Variants in NBAS observed in about 807,000 individuals in gnomAD.
NBAS encodes NBAS subunit of NRZ tethering complex.
NBAS carries 219 observed loss-of-function variants against 302.5 expected under a neutral mutation model. That is an observed-to-expected ratio of 0.72 (90% confidence interval 0.65 to 0.81). NBAS has a LOEUF of 0.81. NBAS is among the 30% of genes least tolerant of loss of function. NBAS has a pLI of 0.00. For synonymous variants in NBAS, 1,118 were observed against 1,021.6 expected, an observed-to-expected ratio of 1.09 and a Z score of -1.80; for missense variants, 2,932 against 2,841.6, an observed-to-expected ratio of 1.03 and a Z score of -0.72.
chr2:15,239,224 T>C (rs1410778994), intron 44 of NBAS, among the ~76,000 whole-genome samples: 2 of 152,088 alleles, frequency 1.3e-5, no homozygotes, highest in African/African-American at 4.8e-5. Context: ...TCATAGAATG[T>C]TAAAACTTAG....
chr2:15,355,324 A>G (rs1217657114), intron 33 of NBAS, among the ~76,000 whole-genome samples: 2 of 145,764 alleles, frequency 1.4e-5, no homozygotes, highest in African/African-American at 5.6e-5. Context: ...TAAGAAAACA[A>G]CAACAACAAC....
At chr2:15,253,119 T>C (rs1026065311) in intron 44 of NBAS, among the ~76,000 whole-genome samples, 1 of 152,176 alleles carries the variant, frequency 6.6e-6, no homozygotes, top group Non-Finnish European at 1.5e-5. Flanking sequence ...TCTAAGGCTG[T>C]AACTCTCAAC....
chr2:15,455,498 A>T (rs1679209676), intron 21 of NBAS, among the ~76,000 whole-genome samples: 1 of 152,144 alleles, frequency 6.6e-6, no homozygotes. Context: ...TACATATTCC[A>T]GTAAGAAGTT....
At chr2:15,158,376 C>T in the NBAS span, among the ~76,000 whole-genome samples, 1 of 152,158 alleles carries the variant, frequency 6.6e-6, no homozygotes, top group Non-Finnish European at 1.5e-5. Context: ...TGAGAGAGGC[C>T]TCCTAATGCC....
At chr2:15,482,706 A>T (rs1019375924) in intron 12 of NBAS, among the ~76,000 whole-genome samples, 1 of 151,864 alleles carries the variant, frequency 6.6e-6, no homozygotes, top group Non-Finnish European at 1.5e-5. Context: ...TTTTTTAAAC[A>T]AAGTCAGCTT....
the NBAS span, among the ~76,000 whole-genome samples, chr2:15,143,269 C>T: frequency 6.6e-6 from 1 of 152,190 alleles, no homozygotes; most frequent in Admixed American, 6.5e-5. Context: ...GAATTAGAGG[C>T]TCATTGAGCC....
intron 40 of NBAS, among the ~76,000 whole-genome samples, chr2:15,306,293 C>T (rs1671031587): frequency 1.3e-5 from 2 of 152,030 alleles, no homozygotes; most frequent in African/African-American, 2.4e-5. Flanking sequence ...TACCAAAGAA[C>T]AAAAAACACC....
chr2:14,982,915 G>A, the NBAS span, among the ~76,000 whole-genome samples: 1 of 152,026 alleles, frequency 6.6e-6, no homozygotes, highest in African/African-American at 2.4e-5. Context: ...AGAAACAGAG[G>A]TAAACATCAG....
the NBAS span, among the ~76,000 whole-genome samples, chr2:14,955,852 A>T: frequency 1.3e-5 from 2 of 152,204 alleles, no homozygotes; most frequent in African/African-American, 4.8e-5. Context: ...GATAAGAGGG[A>T]CTGCCATGAA....
the NBAS span, among the ~76,000 whole-genome samples, chr2:14,969,067 C>T: frequency 2.0e-5 from 3 of 152,092 alleles, no homozygotes; most frequent in East Asian, 5.8e-4. Flanking sequence ...ACCTTGAAAA[C>T]GTTATGCTAA....
At chr2:15,505,944 A>G (rs904060427) in intron 10 of NBAS, among the ~76,000 whole-genome samples, 9 of 151,762 alleles carry the variant, frequency 5.9e-5, no homozygotes, top group Non-Finnish European at 1.2e-4. Flanking sequence ...TAAATTCAGG[A>G]AATAAATATA....
chr2:15,400,940 T>A (rs1319991039), intron 26 of NBAS, among the ~76,000 whole-genome samples: 1 of 152,140 alleles, frequency 6.6e-6, no homozygotes. Context: ...AACTGCAAAT[T>A]AGAAGTTCAA....
intron 4 of NBAS, 86 bp downstream of exon 4, chr2:15,553,975 A>C (rs1190136203): frequency 6.0e-6 from 7 of 1,172,094 alleles, no homozygotes; most frequent in Non-Finnish European, 7.6e-6. Flanking sequence ...CAAGACTGAA[A>C]GCCACAAGCA....
At chr2:15,429,394 T>C (rs1677648874) in intron 21 of NBAS, among the ~76,000 whole-genome samples, 1 of 152,230 alleles carries the variant, frequency 6.6e-6, no homozygotes, top group South Asian at 2.1e-4. Flanking sequence ...AAATTTATCA[T>C]AGCCCCAGAA....
intron 48 of NBAS, among the ~76,000 whole-genome samples, chr2:15,197,197 G>A (rs1398129149): frequency 6.6e-6 from 1 of 152,178 alleles, no homozygotes; most frequent in Non-Finnish European, 1.5e-5. Flanking sequence ...ATGTATAAGA[G>A]CCGTCACAAT....
chr2:15,386,786 C>A (rs1240893162), intron 28 of NBAS, among the ~76,000 whole-genome samples: 1 of 152,154 alleles, frequency 6.6e-6, no homozygotes, highest in African/African-American at 2.4e-5. Flanking sequence ...AAATGTCTTT[C>A]AACTCTGTTG....
At chr2:15,279,250 T>A (rs1375456431) in intron 42 of NBAS, among the ~76,000 whole-genome samples, 3 of 152,188 alleles carry the variant, frequency 2.0e-5, no homozygotes, top group Non-Finnish European at 4.4e-5. Flanking sequence ...TAAAGTTGGG[T>A]AATTATCAAC....
chr2:15,153,721 TCTACTTGA>T, the NBAS span, among the ~76,000 whole-genome samples: 1 of 152,244 alleles, frequency 6.6e-6, no homozygotes, highest in African/African-American at 2.4e-5. Context: ...GGAGTCAGAA[TCTACTTGA>T]CTACTTATCA....
the NBAS span, among the ~76,000 whole-genome samples, chr2:14,954,621 G>T: frequency 6.6e-6 from 1 of 152,306 alleles, no homozygotes; most frequent in East Asian, 1.9e-4. Flanking sequence ...GTATGGCTGG[G>T]AAGACCTCAG....
Sources: allele counts gnomAD v4.1 joint callset (sites outside exome capture counted in the v4.1 genomes callset), GRCh38; gene constraint gnomAD v4.1.1; transcripts MANE v1.5; gene names NCBI Gene and HGNC (gene_info 2026-07-23, HGNC 2026-07-21).